Variants in CCDC175 observed in about 807,000 individuals in gnomAD.
CCDC175 encodes the protein coiled-coil domain containing 175.
In CCDC175, 100 loss-of-function variants were observed where a neutral mutation model predicts 114.6. That is an observed-to-expected ratio of 0.87 (90% confidence interval 0.74 to 1.03). The LOEUF is 1.03. Among genes scored for constraint, CCDC175 ranks in the 50% least tolerant of loss-of-function variants. The pLI, the probability that CCDC175 is intolerant of heterozygous loss-of-function variation, is 0.00. For synonymous variants in CCDC175, 306 were observed against 308.7 expected (o/e 0.99, Z 0.09); for missense variants, 880 against 917.8 (o/e 0.96, Z 0.53).
intron 17 of CCDC175, among the ~76,000 whole-genome samples, chr14:59,520,786 T>C (rs755209291): frequency 7.2e-5 from 11 of 152,180 alleles, no homozygotes; most frequent in Non-Finnish European, 1.5e-4. Context: ...TTATATCTCA[T>C]TATTAATGAC....
chr14:59,566,817 A>G (rs1896574873), intron 4 of CCDC175, among the ~76,000 whole-genome samples: 1 of 152,200 alleles, frequency 6.6e-6, no homozygotes, highest in South Asian at 2.1e-4. Flanking sequence ...TGAAAAAATG[A>G]TGCAACAAAT....
chr14:59,563,874 A>G lies in CCDC175; in HGVS notation c.721-15T>C. 5 of 1,372,918 alleles carry G rather than the reference A, an allele frequency of 3.6e-6. No individual in the cohort carries two copies. The South Asian group carries it at 8.9e-5, about 24-fold the overall frequency. The allele number at this position is 1,372,918 out of a possible 1,614,324, so 85.0% of individuals were successfully genotyped here. Reference sequence around the variant, plus strand: ...AATTCATTAATCTATAGTGACAAGCATAAGAAACCAATTTAAAAAGCCTAT... The same window carrying G: ...AATTCATTAATCTATAGTGACAAGCGTAAGAAACCAATTTAAAAAGCCTAT... On this transcript the variant is annotated splice_polypyrimidine_tract_variant and intron_variant, in intron 5 of 19. Coordinates refer to ENST00000537690, the MANE Select transcript of CCDC175 (RefSeq NM_001164399.2).
chr14:59,565,779 A>G (rs1031049791), intron 4 of CCDC175, among the ~76,000 whole-genome samples: 2 of 152,054 alleles, frequency 1.3e-5, no homozygotes, highest in African/African-American at 4.8e-5. Flanking sequence ...AACTTTTACC[A>G]CTTTTGAATG....
chr14:59,540,577 T>C (rs1036331587), intron 11 of CCDC175, 98 bp downstream of exon 11: 2 of 1,260,438 alleles, frequency 1.6e-6, no homozygotes, highest in African/African-American at 3.1e-5. Flanking sequence ...CCTTGGGTTC[T>C]AGTAACAACA....
intron 18 of CCDC175, 114 bp downstream of exon 18, chr14:59,511,646 T>C (rs577904208): frequency 2.0e-5 from 9 of 444,964 alleles, no homozygotes; most frequent in South Asian, 1.9e-4. Flanking sequence ...ATTTCCACCC[T>C]GATGCGTGCA....
In CCDC175 at chr14:59,568,284, T is replaced by C; in HGVS notation, c.452A>G (p.Lys151Arg). Reference sequence around the variant, plus strand: ...ATATTTTGTCAGGTCAGTTATTTTCTTCTTCAGAAGCTCTATTTCATTCTC... The same window carrying C: ...ATATTTTGTCAGGTCAGTTATTTTCCTCTTCAGAAGCTCTATTTCATTCTC... ...RTENEIELLK[K>R]KITDLTKYNE... The change falls in exon 4 of 20, where the codon AAG becomes AGG. Residue 151 changes from lysine to arginine, a missense_variant. Physicochemically the swap from Lys to Arg is conservative, Grantham distance 26 (BLOSUM62 2). Coordinates refer to ENST00000537690, the MANE Select transcript of CCDC175 (RefSeq NM_001164399.2). 1 of 1,533,106 alleles carries C rather than the reference T, an allele frequency of 6.5e-7. No homozygotes were observed. Among genetic ancestry groups the C allele is most frequent in the Non-Finnish European group, 8.7e-7 (1 of 1,145,878 alleles). The allele number at this position is 1,533,106 out of a possible 1,614,324, so 95.0% of individuals were successfully genotyped here.
chr14:59,570,540 C>T (rs564112229), intron 3 of CCDC175, among the ~76,000 whole-genome samples: 3 of 151,794 alleles, frequency 2.0e-5, no homozygotes, highest in Admixed American at 2.0e-4. Flanking sequence ...CTCTGAGGAA[C>T]ATCTCTTTGG....
At chr14:59,555,054 C>A (rs1239632301) in intron 7 of CCDC175, among the ~76,000 whole-genome samples, 1 of 152,180 alleles carries the variant, frequency 6.6e-6, no homozygotes, top group Non-Finnish European at 1.5e-5. Flanking sequence ...GGAGCTGGTA[C>A]CATTACTTCT....
chr14:59,513,034 T>A (rs967647770), intron 17 of CCDC175, among the ~76,000 whole-genome samples: 1 of 152,114 alleles, frequency 6.6e-6, no homozygotes, highest in South Asian at 2.1e-4. Flanking sequence ...AACAACCACA[T>A]AAAATTGATT....
intron 8 of CCDC175, among the ~76,000 whole-genome samples, chr14:59,547,845 C>G (rs1455573584): frequency 6.6e-6 from 1 of 152,084 alleles, no homozygotes; most frequent in Non-Finnish European, 1.5e-5. Context: ...AAATTATATT[C>G]ATCAAAAATA....
chr14:59,553,050 T>C (rs777553234), intron 7 of CCDC175, among the ~76,000 whole-genome samples: 11 of 152,162 alleles, frequency 7.2e-5, no homozygotes, highest in African/African-American at 2.4e-5. Flanking sequence ...TGCAGGGAAT[T>C]ATTCAGGAGA....
intron 4 of CCDC175, among the ~76,000 whole-genome samples, chr14:59,565,587 A>G (rs1036512890): frequency 2.0e-5 from 3 of 151,908 alleles, no homozygotes; most frequent in African/African-American, 7.3e-5. Flanking sequence ...TGCTCCTGTA[A>G]TCCCAGCTAC....
chr14:59,517,815 AACTAC>A (rs1248554847), intron 17 of CCDC175, among the ~76,000 whole-genome samples: 1 of 152,274 alleles, frequency 6.6e-6, no homozygotes, highest in African/African-American at 2.4e-5. Context: ...AATTGGAAAA[AACTAC>A]TTTAAAGTTC....
intron 16 of CCDC175, among the ~76,000 whole-genome samples, chr14:59,523,421 C>T (rs769294373): frequency 6.6e-6 from 1 of 152,076 alleles, no homozygotes; most frequent in African/African-American, 2.4e-5. Context: ...TTTCTTCATG[C>T]CATTGGACTA....
intron 19 of CCDC175, 186 bp from the exon 20 acceptor site, chr14:59,505,501 G>GCCTC (rs1892298121): frequency 2.0e-5 from 7 of 358,804 alleles, no homozygotes; most frequent in African/African-American, 1.5e-4. Context: ...TCCACTTGGG[G>GCCTC]CCATTTTTAC....
intron 13 of CCDC175, among the ~76,000 whole-genome samples, chr14:59,535,107 G>A (rs1195092749): frequency 6.6e-6 from 1 of 152,138 alleles, no homozygotes. Flanking sequence ...GGCAGAAATG[G>A]GATTACAATG....
At chr14:59,565,375 G>A (rs1896474556) in intron 4 of CCDC175, 100 bp from the exon 5 acceptor site, 1 of 932,830 alleles carries the variant, frequency 1.1e-6, no homozygotes, top group Non-Finnish European at 1.6e-6. Flanking sequence ...AAAGTGTAAG[G>A]AATACTTATT....
chr14:59,539,423 C>G (rs1049758100), intron 11 of CCDC175, among the ~76,000 whole-genome samples: 1 of 151,928 alleles, frequency 6.6e-6, no homozygotes, highest in African/African-American at 2.4e-5. Context: ...ACTAAAAATA[C>G]AAACAAATTA....
intron 16 of CCDC175, among the ~76,000 whole-genome samples, chr14:59,524,587 G>T (rs187358882): frequency 1.3e-5 from 2 of 152,276 alleles, no homozygotes; most frequent in East Asian, 3.9e-4. Context: ...GTGAGAGTGT[G>T]GAGCAACTGG....
Sources: gnomAD v4.1 joint callset for allele counts (sites outside exome capture counted in the v4.1 genomes callset) on GRCh38, gnomAD v4.1.1 for gene constraint, MANE v1.5 for transcripts, NCBI Gene and HGNC (gene_info 2026-07-23, HGNC 2026-07-21) for gene names.